DES: variants seen among roughly 807,000 people sequenced by gnomAD.
DES encodes the protein desmin, also known as cardiomyopathy, dilated 1F (autosomal dominant).
In DES, 34 loss-of-function variants were observed where a neutral mutation model predicts 55.1. The observed-to-expected ratio is 0.62, with a 90% confidence interval of 0.47 to 0.82. The LOEUF (loss-of-function observed/expected upper bound fraction) is 0.82, where lower values mean the gene tolerates loss of function less well. DES is among the 40% of genes least tolerant of loss of function. The pLI is 0.00. For missense variants in DES, 596 were observed against 645.9 expected (o/e 0.92, Z 0.84); for synonymous variants, 259 against 270.8 (o/e 0.96, Z 0.43).
chr2:219,418,939 G>A lies in DES; in HGVS notation c.477G>A (p.Leu159=), dbSNP rs1423370718. Residue 159 remains leucine (L), a synonymous_variant, in exon 1 of 9, where the codon CTG becomes CTA. Transcript: ENST00000373960. ...TGGCCGAGCTCTACGAGGAGGAGCT[G>A]CGGGAGCTGCGGCGCCAGGTGGAGG... is the stretch of plus-strand genomic sequence containing the variant. ...TRVAELYEEE[L]RELRRQVEVL... is the part of the protein sequence containing the mutation. The A allele has an allele frequency of 6.4e-7, 1 of 1,557,270 alleles. No individual in the cohort carries two copies. The highest frequency in any genetic ancestry group is 1.9e-5 in the Admixed American group (1 of 51,784).
intron 6 of DES, among the ~76,000 whole-genome samples, chr2:219,422,247 A>G (rs1343691341): frequency 6.6e-6 from 1 of 152,054 alleles, no homozygotes; most frequent in African/African-American, 2.4e-5. Flanking sequence ...AGGGAGGGAG[A>G]GAAGCCTTGC....
Position 219,420,947 on chromosome 2 carries a change from G to A in DES, c.1017G>A (p.Lys339=). The A allele has an allele frequency of 6.2e-7, 1 of 1,613,362 alleles. No homozygotes were observed. The highest frequency in any genetic ancestry group is 8.5e-7 in the Non-Finnish European group (1 of 1,179,778). The change falls in exon 5 of 9, where the codon AAG becomes AAA. Residue 339 remains lysine, a synonymous_variant. Coordinates refer to ENST00000373960, the MANE Select transcript of DES (RefSeq NM_001927.4). This position sits in a 1 kb window ranked among gnomAD's most constrained non-coding sequence, Gnocchi z 6.0. ...ACACCTGCGAGATTGACGCCCTGAA[G>A]GGCACTGTGAGTCCCTGCCCACCTG... ...QSYTCEIDAL[K]GTNDSLMRQM... is the part of the protein sequence containing the mutation.
intron 6 of DES, among the ~76,000 whole-genome samples, chr2:219,423,400 G>A (rs1184650929): frequency 6.6e-6 from 1 of 151,890 alleles, no homozygotes; most frequent in Non-Finnish European, 1.5e-5. Flanking sequence ...AAGGACCAGG[G>A]TGAGCCTTGA....
In DES at chr2:219,418,620, T is replaced by C. The variant is rs1954365296; in HGVS notation, c.158T>C (p.Val53Ala). 2 of 1,602,016 alleles carry C rather than the reference T, an allele frequency of 1.2e-6. No homozygotes were observed. Among genetic ancestry groups the C allele is most frequent in the Admixed American group, 3.4e-5 (2 of 58,860 alleles). ...KGSSSSVTSRVYQVSRTSGGA... is the reference protein window; with the variant it reads ...KGSSSSVTSRAYQVSRTSGGA... Reference sequence around the variant, plus strand: ...TCCTCCAGCTCGGTGACGTCCCGCGTGTACCAGGTGTCGCGCACGTCGGGC... The same window carrying C: ...TCCTCCAGCTCGGTGACGTCCCGCGCGTACCAGGTGTCGCGCACGTCGGGC... Residue 53 changes from valine (V) to alanine (A), a missense_variant, in exon 1 of 9, where the codon GTG becomes GCG. Physicochemically the swap from Val to Ala is moderately conservative, Grantham distance 64. Transcript: ENST00000373960.
chr2:219,421,324 T>TC lies in DES; in HGVS notation c.1024-11dup, dbSNP rs1954436789. Reference sequence around the variant, plus strand: ...TCCTCTTCCCTTCCTTGACCTGGGTTCCCCCTCTCCTGCAGAACGATTCCC... The same window carrying TC: ...TCCTCTTCCCTTCCTTGACCTGGGTTCCCCCCTCTCCTGCAGAACGATTCCC... On this transcript the variant is annotated splice_polypyrimidine_tract_variant and intron_variant, in intron 5 of 8. Coordinates refer to ENST00000373960, the MANE Select transcript of DES (RefSeq NM_001927.4). 1 of 1,613,754 alleles carries TC rather than the reference T, an allele frequency of 6.2e-7. No individual in the cohort carries two copies. Among genetic ancestry groups the TC allele is most frequent in the Non-Finnish European group, 8.5e-7 (1 of 1,179,824 alleles).
At chr2:219,423,728 C>T (rs746967048) in intron 6 of DES, 49 bp from the exon 7 acceptor site, 16 of 1,592,060 alleles carry the variant, frequency 1.0e-5, no homozygotes, top group East Asian at 4.5e-5. Context: ...TGGGCCCGGC[C>T]GATGGGAGGG....
Position 219,418,429 on chromosome 2 carries a change from C to T in DES, c.-34C>T, listed in dbSNP as rs566678471. 2 of 1,544,482 alleles carry T rather than the reference C, an allele frequency of 1.3e-6. No individual in the cohort carries two copies. The highest frequency in any genetic ancestry group is 1.5e-5 in the African/African-American group (1 of 65,886). On this transcript the variant is annotated 5_prime_UTR_variant, in exon 1 of 9. Coordinates refer to ENST00000373960, the MANE Select transcript of DES (RefSeq NM_001927.4). The stretch of plus-strand genomic sequence containing the variant: ...GCCGGCCGCCTGCCCGCCGCCTCCT[C>T]CGTGCGCCCGCCAGCCTCGCCCGCG...
At chr2:219,421,036 A>G in intron 5 of DES, 83 bp downstream of exon 5, 1 of 1,546,926 alleles carries the variant, frequency 6.5e-7, no homozygotes, top group Non-Finnish European at 8.8e-7. Context: ...GGCCCATCAT[A>G]GATCCTCTCT....
chr2:219,420,740 GGAGAGCCCA>G lies in DES; in HGVS notation c.898-84_898-76del. 1.9e-6 allele frequency: 3 copies of G among 1,613,576 alleles called. No homozygotes were observed. Among genetic ancestry groups the G allele is most frequent in the Non-Finnish European group, 2.5e-6 (3 of 1,179,778 alleles). ...GCTGCCTGTGGTACCATCCATGGGA[GGAGAGCCCA>G]GAGGCTTCATGCTCCCTTGCTCATC... On this transcript the variant is annotated intron_variant, in intron 4 of 8. Coordinates refer to ENST00000373960, the MANE Select transcript of DES (RefSeq NM_001927.4). The surrounding 1 kb of genome is among the most constrained non-coding windows in gnomAD (Gnocchi z 6.0).
rs62636492 is a variant in DES at position 219,421,364 on chromosome 2, C to G, written c.1048C>G (p.Arg350Gly). Residue 350 changes from arginine to glycine, a missense_variant, in exon 6 of 9, where the codon CGG becomes GGG. Transcript: ENST00000373960. ...GTNDSLMRQM[R>G]ELEDRFASEA... ...GAACGATTCCCTGATGAGGCAGATG[C>G]GGGAATTGGAGGACCGATTTGCCAG... is the stretch of plus-strand genomic sequence containing the variant. The G allele has an allele frequency of 1.2e-6, 2 of 1,613,960 alleles. No homozygotes were observed. The highest frequency in any genetic ancestry group is 2.2e-5 in the East Asian group (1 of 44,888).
rs770778694 is a variant in DES at position 219,418,432 on chromosome 2, T to C, written c.-31T>C. Reference sequence around the variant, plus strand: ...GGCCGCCTGCCCGCCGCCTCCTCCGTGCGCCCGCCAGCCTCGCCCGCGCCG... The same window carrying C: ...GGCCGCCTGCCCGCCGCCTCCTCCGCGCGCCCGCCAGCCTCGCCCGCGCCG... On this transcript the variant is annotated 5_prime_UTR_variant, in exon 1 of 9. Coordinates refer to ENST00000373960, the MANE Select transcript of DES (RefSeq NM_001927.4). 2 of 1,552,336 alleles carry C rather than the reference T, an allele frequency of 1.3e-6. No individual in the cohort carries two copies. Among genetic ancestry groups the C allele is most frequent in the Non-Finnish European group, 1.7e-6 (2 of 1,159,220 alleles).
In DES at chr2:219,420,929, C is replaced by T. The variant is rs1157722667; in HGVS notation, c.999C>T (p.Cys333=). 9 of 1,613,512 alleles carry T rather than the reference C, an allele frequency of 5.6e-6. No individual in the cohort carries two copies. The highest frequency in any genetic ancestry group is 2.2e-5 in the East Asian group (1 of 44,846). Residue 333 remains cysteine (C), a synonymous_variant, in exon 5 of 9, where the codon TGC becomes TGT. Transcript: ENST00000373960. This position sits in a 1 kb window ranked among gnomAD's most constrained non-coding sequence, Gnocchi z 6.0. ...GACACCAGATCCAGTCCTACACCTG[C>T]GAGATTGACGCCCTGAAGGGCACTG... is the stretch of plus-strand genomic sequence containing the variant. The part of the protein sequence containing the change: ...EYRHQIQSYT[C]EIDALKGTND...
In DES at chr2:219,421,354, G is replaced by A. The variant is rs778340812; in HGVS notation, c.1038G>A (p.Met346Ile). The A allele has an allele frequency of 1.9e-5, 31 of 1,613,984 alleles. No individual in the cohort carries two copies. Among genetic ancestry groups the A allele is most frequent in the Non-Finnish European group, 2.6e-5 (31 of 1,180,004 alleles). The change falls in exon 6 of 9, where the codon ATG becomes ATA. Residue 346 changes from methionine (M) to isoleucine (I), a missense_variant. Physicochemically the swap from Met to Ile is conservative, Grantham distance 10. Transcript: ENST00000373960. ...CTCTCCTGCAGAACGATTCCCTGAT[G>A]AGGCAGATGCGGGAATTGGAGGACC... ...DALKGTNDSLMRQMRELEDRF... is the reference protein window; with the variant it reads ...DALKGTNDSLIRQMRELEDRF...
rs1954411708 is a variant in DES, at chr2:219,420,289, G to A, written c.678G>A (p.Glu226=). 1.2e-6 allele frequency: 2 copies of A among 1,614,106 alleles called. No homozygotes were observed. The highest frequency in any genetic ancestry group is 8.5e-7 in the Non-Finnish European group (1 of 1,180,054). Residue 226 remains glutamate, a synonymous_variant, in exon 3 of 9, where the codon GAG becomes GAA. Coordinates refer to ENST00000373960, the MANE Select transcript of DES (RefSeq NM_001927.4). This position sits in a 1 kb window ranked among gnomAD's most constrained non-coding sequence, Gnocchi z 6.0. The part of the protein sequence containing the change: ...DAATLARIDL[E]RRIESLNEEI... Reference sequence around the variant, plus strand: ...CTACTCTAGCTCGCATTGACCTGGAGCGCAGAATTGAATCTCTCAACGAGG... The same window carrying A: ...CTACTCTAGCTCGCATTGACCTGGAACGCAGAATTGAATCTCTCAACGAGG...
chr2:219,419,961 C>G lies in DES; in HGVS notation c.579-134C>G. ...TGGGTGGGGCCTCTCCACTCCCTGT[C>G]TCTCCTGCCTCTACCCAGCAGCCAG... is the stretch of plus-strand genomic sequence containing the variant. On this transcript the variant is annotated intron_variant, in intron 1 of 8. Coordinates refer to ENST00000373960, the MANE Select transcript of DES (RefSeq NM_001927.4). The surrounding 1 kb of genome is among the most constrained non-coding windows in gnomAD (Gnocchi z 4.3). The G allele has an allele frequency of 1.1e-6, 1 of 915,490 alleles. No individual in the cohort carries two copies. The highest frequency in any genetic ancestry group is 2.6e-5 in the East Asian group (1 of 38,920). The allele number at this position is 915,490 out of a possible 1,614,324, so 56.7% of individuals were successfully genotyped here.
Position 219,418,530 on chromosome 2 carries a change from G to C in DES, c.68G>C (p.Gly23Ala), listed in dbSNP as rs3903257. Reference protein sequence around the residue: ...SYRRTFGGAPGFPLGSPLSSP... With the variant: ...SYRRTFGGAPAFPLGSPLSSP... Reference sequence around the variant, plus strand: ...CGCCGCACCTTCGGCGGGGCCCCGGGCTTCCCACTCGGCTCCCCGCTGAGT... The same window carrying C: ...CGCCGCACCTTCGGCGGGGCCCCGGCCTTCCCACTCGGCTCCCCGCTGAGT... The change falls in exon 1 of 9, where the codon GGC (glycine) becomes GCC (alanine). Residue 23 changes from glycine (G) to alanine (A), a missense_variant. By Grantham distance (60) the Gly-to-Ala change is moderately conservative. Coordinates refer to ENST00000373960, the MANE Select transcript of DES (RefSeq NM_001927.4). 6.2e-7 allele frequency: 1 copy of C among 1,603,762 alleles called. No homozygotes were observed. The highest frequency in any genetic ancestry group is 1.4e-5 in the African/African-American group (1 of 74,072).
Position 219,418,730 on chromosome 2 carries a change from G to GC in DES, c.268_269insC (p.Asp90AlafsTer28), listed in dbSNP as rs1236537768. On this transcript the variant is annotated frameshift_variant, in exon 1 of 9. Coordinates refer to ENST00000373960, the MANE Select transcript of DES (RefSeq NM_001927.4). LOFTEE classifies it high-confidence loss of function. Reference sequence around the variant, plus strand: ...CTCCTACGGCGCAGGCGAGCTGCTGGACTTCTCACTGGCCGACGCGGTGAA... The same window carrying GC: ...CTCCTACGGCGCAGGCGAGCTGCTGGCACTTCTCACTGGCCGACGCGGTGAA... 1.9e-6 allele frequency: 3 copies of GC among 1,562,860 alleles called. No individual in the cohort carries two copies. Among genetic ancestry groups the GC allele is most frequent in the Non-Finnish European group, 2.6e-6 (3 of 1,153,132 alleles).
Position 219,425,983 on chromosome 2 carries a change from T to C in DES, c.1406T>C (p.Val469Ala). The part of the protein sequence containing the change: ...VSEATQQQHE[V>A]L ...GAGGCCACACAGCAGCAGCATGAAG[T>C]GCTCTAAAGACAGAGACCCTCTGCC... Residue 469 changes from valine (V) to alanine (A), a missense_variant, in exon 9 of 9, where the codon GTG becomes GCG. Physicochemically the swap from Val to Ala is moderately conservative, Grantham distance 64. Coordinates refer to ENST00000373960, the MANE Select transcript of DES (RefSeq NM_001927.4). The C allele has an allele frequency of 6.2e-7, 1 of 1,613,996 alleles. No homozygotes were observed. The highest frequency in any genetic ancestry group is 8.5e-7 in the Non-Finnish European group (1 of 1,179,976).
At chr2:219,423,033 G>C (rs1036050619) in intron 6 of DES, among the ~76,000 whole-genome samples, 1 of 152,196 alleles carries the variant, frequency 6.6e-6, no homozygotes, top group Non-Finnish European at 1.5e-5. Flanking sequence ...GTCTACATAT[G>C]ATGGCCTTTG....
Sources: allele counts gnomAD v4.1 joint callset (sites outside exome capture counted in the v4.1 genomes callset), GRCh38; gene constraint gnomAD v4.1.1; non-coding constraint Gnocchi (gnomAD v3.1); transcripts MANE v1.5; gene names NCBI Gene and HGNC (gene_info 2026-07-23, HGNC 2026-07-21).